AMDHD2: variants seen among roughly 807,000 people sequenced by gnomAD.
AMDHD2 encodes amidohydrolase domain containing 2.
A neutral mutation model predicts 41.8 loss-of-function variants in AMDHD2; 24 were observed. That is an observed-to-expected ratio of 0.57 (90% CI 0.42 to 0.81). The LOEUF (loss-of-function observed/expected upper bound fraction) is 0.81. Among genes scored for constraint, AMDHD2 ranks in the 30% least tolerant of loss-of-function variants. AMDHD2 has a pLI of 0.00. For synonymous variants in AMDHD2, 332 were observed against 255.5 expected (o/e 1.30, Z -2.85); for missense variants, 540 against 588.5 (o/e 0.92, Z 0.85).
At chr16:2,524,417 GC>G (rs1444792232) in intron 3 of AMDHD2, among the ~76,000 whole-genome samples, 1 of 152,162 alleles carries the variant, frequency 6.6e-6, no homozygotes, top group African/African-American at 2.4e-5. Context: ...CCTGCCTCTG[GC>G]CCCGCACACC....
At position 2,530,093 on chromosome 16, in the gene AMDHD2, C is replaced by A; in HGVS notation, c.*530C>A. 9.0e-7 allele frequency: 1 copy of A among 1,109,290 alleles called. No homozygotes were observed. The highest frequency in any genetic ancestry group is 1.2e-6 in the Non-Finnish European group (1 of 803,348). The allele number at this position is 1,109,290 out of a possible 1,614,324, so 68.7% of individuals were successfully genotyped here. A position where few individuals can be genotyped will look rare whatever the true frequency, so the allele number is the denominator to read the frequency against. On this transcript the variant is annotated 3_prime_UTR_variant, in exon 11 of 11. Transcript: ENST00000293971. ...GCAGCGTGGAGCCCACAGCCTGGTT[C>A]TGGGCCAGGGCACAGTGCCAGGGGC...
chr16:2,524,202 G>A (rs2065975322), intron 3 of AMDHD2, among the ~76,000 whole-genome samples: 1 of 152,232 alleles, frequency 6.6e-6, no homozygotes, highest in Non-Finnish European at 1.5e-5. Context: ...CTCACCCTGG[G>A]TGGAATTGGA....
chr16:2,521,380 C>T (rs932545310), intron 3 of AMDHD2, among the ~76,000 whole-genome samples: 9 of 152,152 alleles, frequency 5.9e-5, no homozygotes, highest in African/African-American at 2.2e-4. Context: ...GAGCCATAGG[C>T]CGTCCCCACC....
chr16:2,530,667 C>T lies in AMDHD2; in HGVS notation c.*1104C>T. 3 of 1,614,204 alleles carry T rather than the reference C, an allele frequency of 1.9e-6. No individual in the cohort carries two copies. The highest frequency in any genetic ancestry group is 2.2e-5 in the South Asian group (2 of 91,090). On this transcript the variant is annotated 3_prime_UTR_variant, in exon 11 of 11. Transcript: ENST00000293971. ...CTGCAAAGCCCAGTTAAGGAAATGT[C>T]TCCAGGTCCAAAGAGATAGGATGGT... is the stretch of plus-strand genomic sequence containing the variant.
intron 3 of AMDHD2, among the ~76,000 whole-genome samples, chr16:2,523,233 T>C (rs1013031052): frequency 6.6e-6 from 1 of 152,198 alleles, no homozygotes; most frequent in Non-Finnish European, 1.5e-5. Flanking sequence ...AACAGTACTT[T>C]AATTGAGCCG....
In AMDHD2 at chr16:2,528,172, G is replaced by T. The variant is rs760272723; in HGVS notation, c.717+24G>T. 6 of 1,612,434 alleles carry T rather than the reference G, an allele frequency of 3.7e-6. No individual in the cohort carries two copies. The African/African-American group carries it at 6.7e-5, about 18-fold the overall frequency. ...CTGTGAGTGCTATGGGGCCCCAGGGGCGGGGCTGGGGTCCCAGCAGCCCCT... is the reference window on the plus strand; with the variant it reads ...CTGTGAGTGCTATGGGGCCCCAGGGTCGGGGCTGGGGTCCCAGCAGCCCCT... On this transcript the variant is annotated intron_variant, in intron 6 of 10. Coordinates refer to ENST00000293971, the MANE Select transcript of AMDHD2 (RefSeq NM_001330449.2).
chr16:2,525,058 T>C (rs1463939498), intron 3 of AMDHD2, among the ~76,000 whole-genome samples: 3 of 151,666 alleles, frequency 2.0e-5, no homozygotes, highest in African/African-American at 7.3e-5. Flanking sequence ...CTCTGGCCAC[T>C]TATTTATTTA....
chr16:2,520,417 G>T lies in AMDHD2; in HGVS notation c.-42G>T, dbSNP rs545599724. The T allele has an allele frequency of 1.6e-6, 2 of 1,221,110 alleles. No individual in the cohort carries two copies. The highest frequency in any genetic ancestry group is 2.0e-6 in the Non-Finnish European group (2 of 977,652). 75.6% of individuals were successfully genotyped at this position (1,221,110 alleles called of 1,614,324 possible). On this transcript the variant is annotated 5_prime_UTR_variant, in exon 1 of 11. Coordinates refer to ENST00000293971, the MANE Select transcript of AMDHD2 (RefSeq NM_001330449.2). ...TCGTCACTGGGCGCGGGATTTGGCC[G>T]CCGCGGGGCTCCGGAGCCGCTCGCT... is the stretch of plus-strand genomic sequence containing the variant.
intron 3 of AMDHD2, among the ~76,000 whole-genome samples, chr16:2,524,568 C>T (rs1486360728): frequency 6.6e-6 from 1 of 152,192 alleles, no homozygotes; most frequent in Non-Finnish European, 1.5e-5. Context: ...AAAACTCAGC[C>T]ATTGTCTTTT....
rs751339970 is a variant in AMDHD2 at position 2,530,487 on chromosome 16, G to T, written c.*924G>T. The T allele has an allele frequency of 2.5e-6, 4 of 1,614,026 alleles. No individual in the cohort carries two copies. The highest frequency in any genetic ancestry group is 1.7e-6 in the Non-Finnish European group (2 of 1,179,996). On this transcript the variant is annotated 3_prime_UTR_variant, in exon 11 of 11. Transcript: ENST00000293971. ...GAGGACAGCCACAGTGGGGTCAGAC[G>T]TCAGGGATTGGTGCAGCCCCACGTC...
intron 3 of AMDHD2, among the ~76,000 whole-genome samples, chr16:2,525,698 C>T (rs922409170): frequency 6.6e-6 from 1 of 152,158 alleles, no homozygotes; most frequent in Non-Finnish European, 1.5e-5. Flanking sequence ...GTGCTCGCCA[C>T]CACGCACGGC....
chr16:2,529,230 A>T, intron 10 of AMDHD2, 135 bp downstream of exon 10: 1 of 1,084,970 alleles, frequency 9.2e-7, no homozygotes. Flanking sequence ...GCCGGCTGCC[A>T]GCCTCAGTTG....
In AMDHD2 at chr16:2,530,101, G is replaced by T; in HGVS notation, c.*538G>T. 1 of 1,172,284 alleles carries T rather than the reference G, an allele frequency of 8.5e-7. No homozygotes were observed. Among genetic ancestry groups the T allele is most frequent in the Non-Finnish European group, 1.2e-6 (1 of 860,404 alleles). The allele number at this position is 1,172,284 out of a possible 1,614,324, so 72.6% of individuals were successfully genotyped here. On this transcript the variant is annotated 3_prime_UTR_variant, in exon 11 of 11. Coordinates refer to ENST00000293971, the MANE Select transcript of AMDHD2 (RefSeq NM_001330449.2). ...GAGCCCACAGCCTGGTTCTGGGCCAGGGCACAGTGCCAGGGGCTCCGCTCT... is the reference window on the plus strand; with the variant it reads ...GAGCCCACAGCCTGGTTCTGGGCCATGGCACAGTGCCAGGGGCTCCGCTCT...
rs2066048832 is a variant in AMDHD2 at position 2,529,089 on chromosome 16, G to A, written c.1135G>A (p.Asp379Asn). Reference protein sequence around the residue: ...KSKGTLDFGADADFVVLDDSL... With the variant: ...KSKGTLDFGANADFVVLDDSL... ...TAAGGGGACCCTGGACTTTGGTGCTGACGCAGGTGAGGGCCTGTCGCAGGG... is the reference window on the plus strand; with the variant it reads ...TAAGGGGACCCTGGACTTTGGTGCTAACGCAGGTGAGGGCCTGTCGCAGGG... The change falls in exon 10 of 11, where the codon GAC becomes AAC. Residue 379 changes from aspartate to asparagine, a missense_variant. Coordinates refer to ENST00000293971, the MANE Select transcript of AMDHD2 (RefSeq NM_001330449.2). 3 of 1,580,556 alleles carry A rather than the reference G, an allele frequency of 1.9e-6. No homozygotes were observed. The highest frequency in any genetic ancestry group is 2.6e-6 in the Non-Finnish European group (3 of 1,164,368).
rs1213949651 is a variant in AMDHD2, at chr16:2,529,222, C to T, written c.1141+127C>T. The T allele has an allele frequency of 1.5e-5, 16 of 1,098,992 alleles. 1 individual carries two copies. Among genetic ancestry groups the T allele is most frequent in the South Asian group, 1.2e-4 (7 of 60,346 alleles). 68.1% of individuals were successfully genotyped at this position (1,098,992 alleles called of 1,614,324 possible). On this transcript the variant is annotated intron_variant, in intron 10 of 10. Transcript: ENST00000293971. Reference sequence around the variant, plus strand: ...AGCTCCCTCCTCTCAGGTGGGCTGCCGGCTGCCAGCCTCAGTTGTAGCCCC... The same window carrying T: ...AGCTCCCTCCTCTCAGGTGGGCTGCTGGCTGCCAGCCTCAGTTGTAGCCCC...
In AMDHD2 at chr16:2,530,545, A is replaced by C. The variant is rs111278182; in HGVS notation, c.*982A>C. 7.2e-5 allele frequency: 116 copies of C among 1,614,072 alleles called. 8 individuals are homozygous for C. The highest frequency in any genetic ancestry group is 7.1e-4 in the African/African-American group (53 of 74,992). On this transcript the variant is annotated 3_prime_UTR_variant, in exon 11 of 11. Transcript: ENST00000293971. ...ATTGTCTTGACTTTCTCTCCATTTG[A>C]GTTCTGGGGTGGGTGGCTCCCTTCC...
intron 9 of AMDHD2, 80 bp from the exon 10 acceptor site, chr16:2,528,914 G>T: frequency 6.7e-7 from 1 of 1,486,438 alleles, no homozygotes. Flanking sequence ...CCCTGAGACA[G>T]GGAGTGCTGG....
chr16:2,523,860 G>A (rs2065971474), intron 3 of AMDHD2, among the ~76,000 whole-genome samples: 1 of 152,178 alleles, frequency 6.6e-6, no homozygotes, highest in East Asian at 1.9e-4. Flanking sequence ...AGAAGGCCCT[G>A]GCCTGCTCCC....
rs1300603304 is a variant in AMDHD2, at chr16:2,527,744, T to G, written c.416-29T>G. 2 of 1,554,654 alleles carry G rather than the reference T, an allele frequency of 1.3e-6. No individual in the cohort carries two copies. The highest frequency in any genetic ancestry group is 4.6e-5 in the East Asian group (2 of 43,904). On this transcript the variant is annotated intron_variant, in intron 4 of 10. Coordinates refer to ENST00000293971, the MANE Select transcript of AMDHD2 (RefSeq NM_001330449.2). This position sits in a 1 kb window ranked among gnomAD's most constrained non-coding sequence, Gnocchi z 6.1. The stretch of plus-strand genomic sequence containing the variant: ...ATAAGGGCTGGGTGGGGCAGGGACC[T>G]GCTGGAGCCACTTGCTCCCTCCTCC...
Sources: gnomAD v4.1 joint callset for allele counts (sites outside exome capture counted in the v4.1 genomes callset) on GRCh38, gnomAD v4.1.1 for gene constraint, Gnocchi (gnomAD v3.1) non-coding constraint, MANE v1.5 for transcripts, NCBI Gene and HGNC (gene_info 2026-07-23, HGNC 2026-07-21) for gene names.